CYB5B: variants seen among roughly 807,000 people sequenced by gnomAD.
CYB5B encodes the protein cytochrome b5 type B (outer mitochondrial membrane).
In CYB5B, 14 loss-of-function variants were observed where a neutral mutation model predicts 21.3. The observed-to-expected ratio is 0.66, with a 90% CI of 0.43 to 1.03. The LOEUF (loss-of-function observed/expected upper bound fraction) is 1.03, where lower values mean the gene tolerates loss of function less well. CYB5B is among the 50% of genes least tolerant of loss of function. CYB5B has a pLI of 0.00. For missense variants in CYB5B, 166 were observed against 185.1 expected, an observed-to-expected ratio of 0.90 and a Z score of 0.60; for synonymous variants, 69 against 68.4, an observed-to-expected ratio of 1.01 and a Z score of -0.04.
In CYB5B at chr16:69,463,196, G is replaced by A. The variant is rs139772217; in HGVS notation, c.*676G>A. ...AAATGATTTTTGTTCTTTTATGTGC[G>A]TGATAAAAATACAAAGAATGGTGTG... is the stretch of plus-strand genomic sequence containing the variant. On this transcript the variant is annotated 3_prime_UTR_variant, in exon 5 of 5. Coordinates refer to ENST00000307892, the MANE Select transcript of CYB5B (RefSeq NM_030579.3). 6.6e-5 allele frequency: 10 copies of A among 152,248 alleles called. No homozygotes were observed. Among genetic ancestry groups the A allele is most frequent in the African/African-American group, 1.4e-4 (6 of 41,534 alleles). 9.4% of individuals were successfully genotyped at this position (152,248 alleles called of 1,614,324 possible). A position where few individuals can be genotyped will look rare whatever the true frequency, so the allele number is the denominator to read the frequency against.
intron 1 of CYB5B, among the ~76,000 whole-genome samples, chr16:69,434,062 T>C (rs2014733016): frequency 6.6e-6 from 1 of 152,246 alleles, no homozygotes; most frequent in African/African-American, 2.4e-5. Flanking sequence ...GACCATATTA[T>C]GTGGCACATA....
intron 1 of CYB5B, among the ~76,000 whole-genome samples, chr16:69,428,575 G>T (rs1387932269): frequency 1.3e-5 from 2 of 152,062 alleles, no homozygotes; most frequent in Non-Finnish European, 2.9e-5. Flanking sequence ...AGAATCACTT[G>T]AACCCAGAAG....
At position 69,462,604 on chromosome 16, in the gene CYB5B, C is replaced by T; in HGVS notation, c.*84C>T. The T allele has an allele frequency of 8.9e-7, 1 of 1,120,058 alleles. No individual in the cohort carries two copies. Among genetic ancestry groups the T allele is most frequent in the East Asian group, 2.4e-5 (1 of 42,006 alleles). The allele number at this position is 1,120,058 out of a possible 1,614,324, so 69.4% of individuals were successfully genotyped here. Reference sequence around the variant, plus strand: ...TTGGGGGCTGCAGAAGTGCCCTCTCCTCGAATCCTGCCAGTTGCATTCTTC... The same window carrying T: ...TTGGGGGCTGCAGAAGTGCCCTCTCTTCGAATCCTGCCAGTTGCATTCTTC... On this transcript the variant is annotated 3_prime_UTR_variant, in exon 5 of 5. Coordinates refer to ENST00000307892, the MANE Select transcript of CYB5B (RefSeq NM_030579.3).
intron 3 of CYB5B, chr16:69,449,085 A>G (rs1402369897): frequency 6.6e-6 from 1 of 152,220 alleles, no homozygotes; most frequent in African/African-American, 2.4e-5. Flanking sequence ...ATGTTGCTAG[A>G]CTGCTACTCT....
At chr16:69,428,732 A>G (rs2014674519) in intron 1 of CYB5B, among the ~76,000 whole-genome samples, 1 of 152,158 alleles carries the variant, frequency 6.6e-6, no homozygotes, top group Admixed American at 6.5e-5. Context: ...AGGGTTTGAA[A>G]TTTTAGCGAT....
chr16:69,439,299 C>A (rs1309344970), intron 1 of CYB5B, among the ~76,000 whole-genome samples: 1 of 152,154 alleles, frequency 6.6e-6, no homozygotes, highest in Non-Finnish European at 1.5e-5. Context: ...CAACCTCCGC[C>A]TCCTGGGTTC....
At chr16:69,436,154 G>A (rs1392617800) in intron 1 of CYB5B, among the ~76,000 whole-genome samples, 4 of 152,206 alleles carry the variant, frequency 2.6e-5, no homozygotes, top group African/African-American at 9.7e-5. Context: ...AGCAGTGTGT[G>A]TGCTCACTCC....
rs1056687221 is a variant in CYB5B, at chr16:69,463,804, T to C, written c.*1284T>C. ...GAGAATAAAATACTGGCGGTTTTTT[T>C]CTCAGATGTGTGTTCATTGAGAAGT... On this transcript the variant is annotated 3_prime_UTR_variant, in exon 5 of 5. Coordinates refer to ENST00000307892, the MANE Select transcript of CYB5B (RefSeq NM_030579.3). 6.6e-6 allele frequency: 1 copy of C among 152,248 alleles called. No individual in the cohort carries two copies. Among genetic ancestry groups the C allele is most frequent in the Non-Finnish European group, 1.5e-5 (1 of 68,048 alleles). The allele number at this position is 152,248 out of a possible 1,614,324, so 9.4% of individuals were successfully genotyped here.
intron 3 of CYB5B, among the ~76,000 whole-genome samples, chr16:69,451,353 C>T (rs572572370): frequency 3.2e-4 from 48 of 152,212 alleles, no homozygotes; most frequent in African/African-American, 1.1e-3. Flanking sequence ...TATAAATATT[C>T]GTGGTCTATG....
At chr16:69,447,349 AAT>A (rs1399551930) in intron 2 of CYB5B, 71 bp downstream of exon 2, 1 of 1,557,654 alleles carries the variant, frequency 6.4e-7, no homozygotes, top group East Asian at 2.3e-5. Context: ...AGGATGAAGA[AAT>A]GAATTATTGG....
intron 3 of CYB5B, among the ~76,000 whole-genome samples, chr16:69,454,666 C>T (rs1456535019): frequency 6.6e-6 from 1 of 152,224 alleles, no homozygotes; most frequent in Non-Finnish European, 1.5e-5. Context: ...CAAAGCTACA[C>T]AGTCTCTACC....
intron 1 of CYB5B, among the ~76,000 whole-genome samples, chr16:69,429,442 C>G (rs1314800710): frequency 2.0e-5 from 3 of 152,142 alleles, no homozygotes; most frequent in Admixed American, 6.6e-5. Context: ...TTTAGCTAGA[C>G]ACAGAGTGCT....
Position 69,447,189 on chromosome 16 carries a change from G to A in CYB5B, c.214G>A (p.Val72Ile). The change falls in exon 2 of 5, where the codon GTA becomes ATA. Residue 72 changes from valine to isoleucine, a missense_variant. Coordinates refer to ENST00000307892, the MANE Select transcript of CYB5B (RefSeq NM_030579.3). ...AGAGGTTCTGCTGGAACAAGCTGGT[G>A]TAGATGCAAGTGAAAGCTTTGAAGA... Reference protein sequence around the residue: ...GEEVLLEQAGVDASESFEDVG... With the variant: ...GEEVLLEQAGIDASESFEDVG... 2 of 1,614,184 alleles carry A rather than the reference G, an allele frequency of 1.2e-6. No individual in the cohort carries two copies. The highest frequency in any genetic ancestry group is 1.7e-6 in the Non-Finnish European group (2 of 1,180,024).
At chr16:69,438,204 A>G (rs987731497) in intron 1 of CYB5B, among the ~76,000 whole-genome samples, 5 of 152,224 alleles carry the variant, frequency 3.3e-5, no homozygotes, top group African/African-American at 1.2e-4. Context: ...AATGTCTTCA[A>G]GGTTCATTCA....
chr16:69,434,326 C>T (rs2014737053), intron 1 of CYB5B, among the ~76,000 whole-genome samples: 1 of 152,204 alleles, frequency 6.6e-6, no homozygotes, highest in Non-Finnish European at 1.5e-5. Flanking sequence ...CTGCTAGGAA[C>T]TGTCATGTAC....
chr16:69,456,286 G>A (rs1035807136), intron 3 of CYB5B, among the ~76,000 whole-genome samples: 4 of 152,138 alleles, frequency 2.6e-5, no homozygotes, highest in Admixed American at 1.3e-4. Flanking sequence ...TTCACCAGAT[G>A]TGAACCAAGG....
intron 1 of CYB5B, among the ~76,000 whole-genome samples, chr16:69,429,214 C>T (rs1011617712): frequency 5.3e-5 from 8 of 152,104 alleles, no homozygotes; most frequent in Admixed American, 1.3e-4. Context: ...AAAGGTGGCA[C>T]AGACCCAAAG....
intron 1 of CYB5B, among the ~76,000 whole-genome samples, chr16:69,441,239 C>T (rs1477222372): frequency 4.6e-5 from 7 of 150,764 alleles, no homozygotes; most frequent in East Asian, 1.9e-4. Context: ...CTGCAACCTC[C>T]GCCTCCCGCG....
intron 3 of CYB5B, chr16:69,448,999 CAA>C (rs997977228): frequency 6.6e-6 from 1 of 152,194 alleles, no homozygotes; most frequent in African/African-American, 2.4e-5. Context: ...TCTATTAACT[CAA>C]GAGATTGCTT....
Sources: gnomAD v4.1 joint callset for allele counts (sites outside exome capture counted in the v4.1 genomes callset) on GRCh38, gnomAD v4.1.1 for gene constraint, MANE v1.5 for transcripts, NCBI Gene and HGNC (gene_info 2026-07-23, HGNC 2026-07-21) for gene names.